The following BDH2 variants were observed in gnomAD, a reference collection of about 807,000 sequenced individuals.
The protein encoded by BDH2 is dehydrogenase/reductase SDR family member 6.
Under a neutral mutation model 33.2 loss-of-function variants are expected in BDH2, and 24 were observed. The observed-to-expected ratio is 0.72, with a 90% CI of 0.52 to 1.02. The LOEUF is 1.02. Ranked by LOEUF, BDH2 falls within the 50% of genes least tolerant of loss-of-function variation. The pLI is 0.00. For missense variants in BDH2, 249 were observed against 301.6 expected, an observed-to-expected ratio of 0.83 and a Z score of 1.29; for synonymous variants, 81 against 101.6, an observed-to-expected ratio of 0.80 and a Z score of 1.22.
chr4:103,086,839 T>A (rs7675057), intron 5 of BDH2, among the ~76,000 whole-genome samples: 1 of 152,096 alleles, frequency 6.6e-6, no homozygotes, highest in Non-Finnish European at 1.5e-5. Flanking sequence ...AAATGAAATG[T>A]GAATAAATGT....
intron 3 of BDH2, among the ~76,000 whole-genome samples, chr4:103,093,731 TATA>T: frequency 6.8e-6 from 1 of 147,570 alleles, no homozygotes; most frequent in African/African-American, 2.5e-5. Context: ...GTATAATACA[TATA>T]ATATATAATT....
chr4:103,082,206 T>C (rs1479582409), intron 8 of BDH2, 33 bp from the exon 9 acceptor site: 11 of 1,573,754 alleles, frequency 7.0e-6, no homozygotes, highest in African/African-American at 1.4e-5. Flanking sequence ...ACATTAGTGA[T>C]GGAAGCAGCT....
chr4:103,094,171 A>T (rs1307518698), intron 3 of BDH2, among the ~76,000 whole-genome samples: 2 of 152,196 alleles, frequency 1.3e-5, no homozygotes, highest in Non-Finnish European at 2.9e-5. Flanking sequence ...ATGATGTGTG[A>T]TTTTAGAGCT....
At chr4:103,094,408 C>A (rs928049689) in intron 3 of BDH2, among the ~76,000 whole-genome samples, 1 of 151,978 alleles carries the variant, frequency 6.6e-6, no homozygotes, top group African/African-American at 2.4e-5. Context: ...GAGGGTAGAT[C>A]CTAGGTATTC....
rs1249644529 is a variant in BDH2, at chr4:103,078,618, C to T, written c.*1084G>A. 2.0e-5 allele frequency among the ~76,000 whole-genome samples: 3 copies of T among 152,160 alleles called. No homozygotes were observed. The highest frequency in any genetic ancestry group is 4.8e-5 in the African/African-American group (2 of 41,432). On this transcript the variant is annotated 3_prime_UTR_variant, in exon 10 of 10. Transcript: ENST00000296424. The stretch of plus-strand genomic sequence containing the variant: ...ATCGTTTTGAGGCTGAACTCCTTTA[C>T]TCCTTTTACTGTAAGCTATTGAAGC...
intron 4 of BDH2, chr4:103,091,876 AGT>A: frequency 2.4e-6 from 1 of 421,760 alleles, no homozygotes; most frequent in Non-Finnish European, 4.7e-6. Context: ...AAGGAAAACA[AGT>A]GTCTGAACAT....
At chr4:103,088,583 T>C (rs1036437491) in intron 5 of BDH2, among the ~76,000 whole-genome samples, 1 of 152,206 alleles carries the variant, frequency 6.6e-6, no homozygotes, top group Non-Finnish European at 1.5e-5. Flanking sequence ...CCCCATGCAA[T>C]AGCCTTCTCT....
intron 2 of BDH2, among the ~76,000 whole-genome samples, chr4:103,095,837 T>C (rs1281809790): frequency 6.6e-6 from 1 of 151,984 alleles, no homozygotes; most frequent in Non-Finnish European, 1.5e-5. Flanking sequence ...AACTCTGGAG[T>C]CATATATCTA....
At chr4:103,081,571 C>T (rs113456519) in intron 9 of BDH2, among the ~76,000 whole-genome samples, 6 of 152,344 alleles carry the variant, frequency 3.9e-5, no homozygotes, top group African/African-American at 1.4e-4. Context: ...GCTGGGATTA[C>T]AGGCATGAGC....
chr4:103,095,295 A>C lies in BDH2; in HGVS notation c.73-14T>G. The stretch of plus-strand genomic sequence containing the variant: ...TCTTGCAAAAGCCTAGTAGACACAA[A>C]GTACAAATAAATCCTTTGTTTACTT... On this transcript the variant is annotated splice_polypyrimidine_tract_variant and intron_variant, in intron 2 of 9. Coordinates refer to ENST00000296424, the MANE Select transcript of BDH2 (RefSeq NM_020139.4). 1 of 1,602,710 alleles carries C rather than the reference A, an allele frequency of 6.2e-7. No individual in the cohort carries two copies. The highest frequency in any genetic ancestry group is 8.5e-7 in the Non-Finnish European group (1 of 1,169,960).
At chr4:103,093,684 G>T (rs1296957148) in intron 3 of BDH2, among the ~76,000 whole-genome samples, 1 of 145,176 alleles carries the variant, frequency 6.9e-6, no homozygotes, top group Non-Finnish European at 1.5e-5. Flanking sequence ...TATATACAAT[G>T]TATTAATATG....
chr4:103,095,107 T>A, intron 3 of BDH2, 96 bp downstream of exon 3: 1 of 912,212 alleles, frequency 1.1e-6, no homozygotes, highest in Non-Finnish European at 1.8e-6. Flanking sequence ...GCAGTGGAGC[T>A]CAGTAGCTAG....
At chr4:103,091,655 G>A (rs1748098368) in intron 4 of BDH2, 1 of 451,588 alleles carries the variant, frequency 2.2e-6, no homozygotes, top group African/African-American at 2.0e-5. Flanking sequence ...TGAGGCAAGA[G>A]GACCACTTGA....
chr4:103,096,531 A>ATT lies in BDH2; in HGVS notation c.-20-259_-20-258dup, dbSNP rs70941651. ...TAATGACTGGTGACAGACATTGGCC[A>ATT]TTTTTTTTTTTTTTTTTTTTTTTTA... On this transcript the variant is annotated intron_variant, in intron 1 of 9. Coordinates refer to ENST00000296424, the MANE Select transcript of BDH2 (RefSeq NM_020139.4). 8.8e-3 allele frequency among the ~76,000 whole-genome samples: 1,004 copies of ATT among 114,214 alleles called. 22 individuals are homozygous for ATT. Among genetic ancestry groups the ATT allele is most frequent in the African/African-American group, 0.029 (877 of 30,014 alleles). The allele number at this position is 114,214 out of a possible 152,430, so 74.9% of individuals were successfully genotyped here.
intron 3 of BDH2, among the ~76,000 whole-genome samples, chr4:103,093,592 T>C (rs1258698568): frequency 6.8e-6 from 1 of 147,922 alleles, no homozygotes; most frequent in Admixed American, 6.8e-5. Context: ...ATTTATAATA[T>C]ATACAATGTA....
rs183190005 is a variant in BDH2, at chr4:103,090,822, T to C, written c.357+355A>G. Among the ~76,000 whole-genome samples the C allele has an allele frequency of 1.2e-4, 18 of 152,306 alleles. No homozygotes were observed. The East Asian group carries it at 3.5e-3, about 29-fold the overall frequency. On this transcript the variant is annotated intron_variant, in intron 5 of 9. Transcript: ENST00000296424. ...TGATATCCTAGCTTCTTTCTCTTCA[T>C]TATATTTAAAACCACGCCACATATT...
At chr4:103,096,963 A>C (rs1474042667) in intron 1 of BDH2, among the ~76,000 whole-genome samples, 1 of 152,154 alleles carries the variant, frequency 6.6e-6, no homozygotes, top group Non-Finnish European at 1.5e-5. Context: ...TTGCTATGAC[A>C]TTATTTGTGT....
chr4:103,092,597 T>C lies in BDH2; in HGVS notation c.248+3A>G, dbSNP rs376977141. On this transcript the variant is annotated splice_donor_region_variant and intron_variant, in intron 4 of 9. Transcript: ENST00000296424. ...AAAGTGAAACTAAAAAGTTATGAATTACCCAGCAACATTAAAGAGAACATC... is the reference window on the plus strand; with the variant it reads ...AAAGTGAAACTAAAAAGTTATGAATCACCCAGCAACATTAAAGAGAACATC... 2.2e-5 allele frequency: 35 copies of C among 1,593,066 alleles called. No individual in the cohort carries two copies. The highest frequency in any genetic ancestry group is 2.9e-5 in the Non-Finnish European group (34 of 1,164,024).
At chr4:103,095,114 C>A in intron 3 of BDH2, 89 bp downstream of exon 3, 1 of 984,462 alleles carries the variant, frequency 1.0e-6, no homozygotes, top group Non-Finnish European at 1.6e-6. Flanking sequence ...AGCTCAGTAG[C>A]TAGGGAATTT....
Sources: gnomAD v4.1 joint callset for allele counts (sites outside exome capture counted in the v4.1 genomes callset) on GRCh38, gnomAD v4.1.1 for gene constraint, MANE v1.5 for transcripts, NCBI Gene and HGNC (gene_info 2026-07-23, HGNC 2026-07-21) for gene names.